Variants in DPP6 observed in about 807,000 individuals in gnomAD.
DPP6 encodes the protein dipeptidyl peptidase like 6, also known as A-type potassium channel modulatory protein DPP6.
DPP6 carries 69 observed loss-of-function variants against 122.6 expected under a neutral mutation model. The observed-to-expected ratio is 0.56, with a 90% confidence interval of 0.46 to 0.69. DPP6 has a LOEUF of 0.69. Ranked by LOEUF, DPP6 falls within the 30% of genes least tolerant of loss-of-function variation. The pLI, the probability that DPP6 is intolerant of heterozygous loss-of-function variation, is 0.00. For synonymous variants in DPP6, 418 were observed against 433.1 expected (o/e 0.97, Z 0.43); for missense variants, 928 against 1,116.9 (o/e 0.83, Z 2.41).
chr7:154,325,749 T>TA (rs1373899844), intron 1 of DPP6, among the ~76,000 whole-genome samples: 1 of 152,242 alleles, frequency 6.6e-6, no homozygotes, highest in Admixed American at 6.5e-5. Context: ...ATTCAATACA[T>TA]ATGATTAATA....
intron 8 of DPP6, among the ~76,000 whole-genome samples, chr7:154,741,650 C>T (rs767593214): frequency 8.5e-5 from 13 of 152,250 alleles, no homozygotes; most frequent in Non-Finnish European, 1.8e-4. Flanking sequence ...AGCTAGGATA[C>T]TTCCTGTAGG....
chr7:154,064,669 G>A (rs1802558599), intron 1 of DPP6, among the ~76,000 whole-genome samples: 2 of 152,150 alleles, frequency 1.3e-5, no homozygotes, highest in South Asian at 4.1e-4. Flanking sequence ...CTCTGTGGGT[G>A]TTAATCTCAA....
chr7:154,133,161 A>T (rs1235966613), intron 1 of DPP6, among the ~76,000 whole-genome samples: 1 of 152,218 alleles, frequency 6.6e-6, no homozygotes, highest in South Asian at 2.1e-4. Flanking sequence ...AAAATAAGTC[A>T]TGTTATTATA....
At chr7:154,774,741 G>A (rs1796461426) in intron 10 of DPP6, among the ~76,000 whole-genome samples, 1 of 152,244 alleles carries the variant, frequency 6.6e-6, no homozygotes, top group Admixed American at 6.5e-5. Flanking sequence ...TAGAGCAGAT[G>A]TTTAGTATTT....
At chr7:154,144,020 G>C (rs1436580049) in intron 1 of DPP6, among the ~76,000 whole-genome samples, 1 of 151,142 alleles carries the variant, frequency 6.6e-6, no homozygotes, top group African/African-American at 2.4e-5. Context: ...ATTCTCACCA[G>C]CAGTATATGA....
intron 1 of DPP6, among the ~76,000 whole-genome samples, chr7:154,297,606 G>A (rs1464140794): frequency 6.6e-6 from 1 of 152,186 alleles, no homozygotes; most frequent in Non-Finnish European, 1.5e-5. Context: ...TATCAATTTT[G>A]GCTTGGTTGT....
intron 1 of DPP6, among the ~76,000 whole-genome samples, chr7:153,964,987 CCTTCCTTCCTTT>C (rs200310103): frequency 0.13 from 9,756 of 73,400 alleles, 645 homozygotes; most frequent in Admixed American, 0.23. Context: ...TCCCTTCCTT[CCTTCCTTCCTTT>C]CTTCCTTCCT....
At chr7:154,312,390 C>T (rs942497388) in intron 1 of DPP6, among the ~76,000 whole-genome samples, 1 of 152,160 alleles carries the variant, frequency 6.6e-6, no homozygotes, top group Admixed American at 6.6e-5. Context: ...AAGCACGTTG[C>T]TGATATAATG....
At chr7:154,398,614 TTC>T (rs113385356) in intron 1 of DPP6, among the ~76,000 whole-genome samples, 13,478 of 151,672 alleles carry the variant, frequency 0.089, 683 homozygotes, top group East Asian at 0.13. Flanking sequence ...CCTTCATATT[TTC>T]TCTCTCTCTC....
At chr7:154,737,647 G>A (rs548209215) in intron 8 of DPP6, among the ~76,000 whole-genome samples, 2 of 152,292 alleles carry the variant, frequency 1.3e-5, no homozygotes, top group South Asian at 4.1e-4. Context: ...TAGGGAGCCT[G>A]CCTGAAGCTG....
chr7:154,601,364 G>T (rs1833404084), intron 5 of DPP6, among the ~76,000 whole-genome samples: 1 of 121,098 alleles, frequency 8.3e-6, no homozygotes, highest in Non-Finnish European at 1.9e-5. Context: ...GTCACGTTTT[G>T]CTTAGTAAAT....
At chr7:154,847,933 T>G (rs1802072643) in intron 16 of DPP6, among the ~76,000 whole-genome samples, 1 of 152,248 alleles carries the variant, frequency 6.6e-6, no homozygotes, top group East Asian at 1.9e-4. Flanking sequence ...TTTCTCTTCC[T>G]ATGCCTGGCT....
the DPP6 span, among the ~76,000 whole-genome samples, chr7:153,829,780 A>G: frequency 1.3e-5 from 2 of 152,198 alleles, no homozygotes; most frequent in African/African-American, 4.8e-5. Flanking sequence ...TGTGGTGTCC[A>G]ACAGGGAGCC....
chr7:154,188,427 A>G (rs2150760133), intron 1 of DPP6, among the ~76,000 whole-genome samples: 1 of 152,300 alleles, frequency 6.6e-6, no homozygotes, highest in Non-Finnish European at 1.5e-5. Context: ...TCTTAAATTA[A>G]TTTACAATCT....
chr7:154,454,228 T>C (rs998264069), intron 2 of DPP6, among the ~76,000 whole-genome samples: 1 of 152,212 alleles, frequency 6.6e-6, no homozygotes, highest in African/African-American at 2.4e-5. Flanking sequence ...AGTCCTGGGC[T>C]CCTCCGTGCC....
At chr7:153,783,144 T>C in the DPP6 span, among the ~76,000 whole-genome samples, 1 of 152,170 alleles carries the variant, frequency 6.6e-6, no homozygotes, top group Non-Finnish European at 1.5e-5. Flanking sequence ...ATTAGACATG[T>C]CCACAGACAC....
chr7:154,417,435 A>C (rs1479787385), intron 1 of DPP6, among the ~76,000 whole-genome samples: 1 of 152,298 alleles, frequency 6.6e-6, no homozygotes, highest in African/African-American at 2.4e-5. Flanking sequence ...TCTAAACGGA[A>C]GTCCTATCTG....
intron 16 of DPP6, among the ~76,000 whole-genome samples, chr7:154,810,503 G>T (rs1459126386): frequency 6.6e-6 from 1 of 152,218 alleles, no homozygotes; most frequent in Non-Finnish European, 1.5e-5. Flanking sequence ...CTGGCCTTCT[G>T]TCCCAAGGGA....
At chr7:153,996,878 T>TA (rs1193131937) in intron 1 of DPP6, among the ~76,000 whole-genome samples, 9 of 152,348 alleles carry the variant, frequency 5.9e-5, no homozygotes, top group African/African-American at 2.2e-4. Flanking sequence ...ACCAATCATG[T>TA]CTATGTATGT....
Sources: allele counts gnomAD v4.1 joint callset (sites outside exome capture counted in the v4.1 genomes callset), GRCh38; gene constraint gnomAD v4.1.1; transcripts MANE v1.5; gene names NCBI Gene and HGNC (gene_info 2026-07-23, HGNC 2026-07-21).